The following ADGRV1 variants were observed in gnomAD, a reference collection of about 807,000 sequenced individuals.
ADGRV1 encodes the protein adhesion G protein-coupled receptor V1.
A neutral mutation model predicts 596.2 loss-of-function variants in ADGRV1; 359 were observed. The ratio of observed to expected loss-of-function variants is 0.60; its 90% CI spans 0.55 to 0.66. The LOEUF is 0.66. Ranked by LOEUF, ADGRV1 falls within the 30% of genes least tolerant of loss-of-function variation. The pLI, the probability that ADGRV1 is intolerant of heterozygous loss-of-function variation, is 0.00. For synonymous variants in ADGRV1, 2,681 were observed against 2,679.2 expected (o/e 1.00, Z -0.02); for missense variants, 7,274 against 7,575.6 (o/e 0.96, Z 1.48).
Position 90,755,170 on chromosome 5 carries a change from A to T in ADGRV1, c.11565A>T (p.Glu3855Asp), listed in dbSNP as rs760624323. The T allele has an allele frequency of 1.2e-6, 2 of 1,601,844 alleles. No individual in the cohort carries two copies. The highest frequency in any genetic ancestry group is 2.7e-5 in the African/African-American group (2 of 74,756). Residue 3855 changes from glutamate to aspartate, a missense_variant, in exon 55 of 90, where the codon GAA (glutamate) becomes GAT (aspartate). By Grantham distance (45) the Glu-to-Asp change is conservative. Transcript: ENST00000405460. ...MKENIKEAHA[E>D]VSILPDDLPE... ...AAAACATAAAAGAAGCTCATGCCGA[A>T]GTTTCCATTTTGCCGGTAAGTCAAG... is the stretch of plus-strand genomic sequence containing the variant.
intron 87 of ADGRV1, among the ~76,000 whole-genome samples, chr5:91,115,902 A>C (rs2126719790): frequency 6.6e-6 from 1 of 152,212 alleles, no homozygotes; most frequent in Non-Finnish European, 1.5e-5. Context: ...AGCTGAGATC[A>C]TGCCATTGTA....
intron 70 of ADGRV1, among the ~76,000 whole-genome samples, chr5:90,801,464 G>T (rs1402918519): frequency 1.3e-5 from 2 of 151,728 alleles, no homozygotes; most frequent in African/African-American, 2.4e-5. Context: ...TGACTTTCAT[G>T]GGGGGAGGGG....
At position 90,967,565 on chromosome 5, in the gene ADGRV1, A is replaced by G. The variant is rs116313988; in HGVS notation, c.17973+2034A>G. On this transcript the variant is annotated intron_variant, in intron 84 of 89. Transcript: ENST00000405460. ...TGCCTGTATTGAGGTCCCCAGTGCT[A>G]TGCTAAAGGTCTTTGTCCATGCCCC... is the stretch of plus-strand genomic sequence containing the variant. Among the ~76,000 whole-genome samples, 1,430 of 152,210 alleles carry G rather than the reference A, an allele frequency of 9.4e-3. 16 individuals are homozygous for G. Among genetic ancestry groups the G allele is most frequent in the African/African-American group, 0.033 (1,372 of 41,526 alleles).
At chr5:91,054,536 A>C (rs1562150709) in intron 85 of ADGRV1, among the ~76,000 whole-genome samples, 1 of 152,182 alleles carries the variant, frequency 6.6e-6, no homozygotes, top group Admixed American at 6.5e-5. Context: ...AATAATAGAC[A>C]CTTATTTCTC....
rs756359506 is a variant in ADGRV1 at position 90,755,194 on chromosome 5, AGG to A, written c.11580+10_11580+11del. ...AAGTTTCCATTTTGCCGGTAAGTCA[AGG>A]CTGCAAAGAATGTGATCTAAAATAG... On this transcript the variant is annotated intron_variant, in intron 55 of 89. Transcript: ENST00000405460. 21 of 1,581,234 alleles carry A rather than the reference AGG, an allele frequency of 1.3e-5. No individual in the cohort carries two copies. Among genetic ancestry groups the A allele is most frequent in the Non-Finnish European group, 1.8e-5 (21 of 1,166,014 alleles).
intron 39 of ADGRV1, among the ~76,000 whole-genome samples, chr5:90,709,911 G>A (rs1045854524): frequency 5.3e-5 from 8 of 152,154 alleles, no homozygotes; most frequent in Non-Finnish European, 8.8e-5. Context: ...CAAGTGCTTT[G>A]TAGATTAGTA....
chr5:90,684,158 C>A lies in ADGRV1; in HGVS notation c.6237C>A (p.Leu2079=). The change falls in exon 28 of 90, where the codon CTC becomes CTA. Residue 2079 remains leucine, a synonymous_variant. Transcript: ENST00000405460. Reference sequence around the variant, plus strand: ...CCGAATCTGTCTTTATCGAACTACTCAACTCTACTTTAGTAGCGAAAGTAC... The same window carrying A: ...CCGAATCTGTCTTTATCGAACTACTAAACTCTACTTTAGTAGCGAAAGTAC... ...ERSESVFIEL[L]NSTLVAKVQS... 1 of 1,613,412 alleles carries A rather than the reference C, an allele frequency of 6.2e-7. No individual in the cohort carries two copies. Among genetic ancestry groups the A allele is most frequent in the Non-Finnish European group, 8.5e-7 (1 of 1,179,618 alleles).
chr5:90,708,494 T>G (rs1277661717), intron 38 of ADGRV1, among the ~76,000 whole-genome samples: 1 of 151,856 alleles, frequency 6.6e-6, no homozygotes, highest in African/African-American at 2.4e-5. Flanking sequence ...ATTAAGGTAA[T>G]TTCAAATGTT....
intron 87 of ADGRV1, among the ~76,000 whole-genome samples, chr5:91,139,788 G>GT (rs1295642167): frequency 6.6e-6 from 1 of 152,078 alleles, no homozygotes; most frequent in African/African-American, 2.4e-5. Context: ...TGTAATTGTG[G>GT]TTTTTTTCCA....
intron 83 of ADGRV1, among the ~76,000 whole-genome samples, chr5:90,918,798 C>T (rs921533346): frequency 6.6e-6 from 1 of 152,150 alleles, no homozygotes; most frequent in Non-Finnish European, 1.5e-5. Flanking sequence ...TATGTTACTA[C>T]AACCAAGGCC....
chr5:90,880,193 C>T (rs942391637), intron 83 of ADGRV1, among the ~76,000 whole-genome samples: 2 of 151,992 alleles, frequency 1.3e-5, no homozygotes, highest in Non-Finnish European at 2.9e-5. Flanking sequence ...GCTCATGATC[C>T]CATAGCTATG....
chr5:90,935,635 G>C (rs909434716), intron 83 of ADGRV1, among the ~76,000 whole-genome samples: 2 of 152,110 alleles, frequency 1.3e-5, no homozygotes, highest in African/African-American at 4.8e-5. Flanking sequence ...TTGCTATTTA[G>C]TTCTTAAGTC....
At chr5:90,883,999 C>T (rs1202471634) in intron 83 of ADGRV1, among the ~76,000 whole-genome samples, 1 of 152,154 alleles carries the variant, frequency 6.6e-6, no homozygotes, top group African/African-American at 2.4e-5. Flanking sequence ...CTCTCTATTG[C>T]CCTGTGTCAA....
chr5:91,132,265 C>A (rs911231343), intron 87 of ADGRV1, among the ~76,000 whole-genome samples: 36 of 152,112 alleles, frequency 2.4e-4, no homozygotes, highest in African/African-American at 8.7e-4. Flanking sequence ...TATTAAAAAT[C>A]AAAAATCAAT....
Position 90,805,716 on chromosome 5 carries a change from G to T in ADGRV1, c.14836+258G>T, listed in dbSNP as rs142040611. On this transcript the variant is annotated intron_variant, in intron 72 of 89. Coordinates refer to ENST00000405460, the MANE Select transcript of ADGRV1 (RefSeq NM_032119.4). ...AAACTACTCTGTCCATACAATAGGA[G>T]TTTGTTGAAAGTAGTTCTAAGAATC... Among the ~76,000 whole-genome samples, 20 of 152,294 alleles carry T rather than the reference G, an allele frequency of 1.3e-4. 1 individual carries two copies. In the East Asian group the frequency reaches 3.7e-3, roughly 28 times the overall value.
At position 90,743,707 on chromosome 5, in the gene ADGRV1, G is replaced by T. The variant is rs567100037; in HGVS notation, c.10550-1339G>T. Among the ~76,000 whole-genome samples, 13 of 152,034 alleles carry T rather than the reference G, an allele frequency of 8.6e-5. No individual in the cohort carries two copies. In the East Asian group the frequency reaches 2.3e-3, roughly 27 times the overall value. ...AGGATGGTCTCGATCTCCCGACCTCGTGATCTTCCTGCCTCTGCCTCCCAA... is the reference window on the plus strand; with the variant it reads ...AGGATGGTCTCGATCTCCCGACCTCTTGATCTTCCTGCCTCTGCCTCCCAA... On this transcript the variant is annotated intron_variant, in intron 50 of 89. Coordinates refer to ENST00000405460, the MANE Select transcript of ADGRV1 (RefSeq NM_032119.4).
chr5:91,147,538 T>C (rs1795653908), intron 87 of ADGRV1, among the ~76,000 whole-genome samples: 1 of 152,200 alleles, frequency 6.6e-6, no homozygotes. Flanking sequence ...CATAAGCATC[T>C]AGCATTTCTC....
At chr5:90,767,625 G>T (rs1757280479) in intron 59 of ADGRV1, among the ~76,000 whole-genome samples, 1 of 150,890 alleles carries the variant, frequency 6.6e-6, no homozygotes, top group Admixed American at 6.6e-5. Flanking sequence ...CTCAGTAGGT[G>T]GTTTTCCAAA....
chr5:90,644,516 A>G (rs914691184), intron 14 of ADGRV1, among the ~76,000 whole-genome samples, 190 bp from the exon 15 acceptor site: 2 of 152,222 alleles, frequency 1.3e-5, no homozygotes, highest in Non-Finnish European at 2.9e-5. Context: ...TTTATTTATT[A>G]TATACCTACA....
Sources: allele counts gnomAD v4.1 joint callset (sites outside exome capture counted in the v4.1 genomes callset), GRCh38; gene constraint gnomAD v4.1.1; transcripts MANE v1.5; gene names NCBI Gene and HGNC (gene_info 2026-07-23, HGNC 2026-07-21).